Variants in OGG1 observed in about 807,000 individuals in gnomAD.
OGG1 encodes N-glycosylase/DNA lyase.
Under a neutral mutation model 42.3 loss-of-function variants are expected in OGG1, and 35 were observed. The observed-to-expected ratio is 0.83, with a 90% CI of 0.63 to 1.10. The LOEUF (loss-of-function observed/expected upper bound fraction) is 1.10. Among genes scored for constraint, OGG1 ranks in the 50% least tolerant of loss-of-function variants. OGG1 has a pLI of 0.00. For synonymous variants in OGG1, 189 were observed against 179.0 expected (o/e 1.06, Z -0.44); for missense variants, 484 against 446.7 (o/e 1.08, Z -0.75).
At chr3:9,750,488 G>T (rs930854110) in intron 1 of OGG1, 65 bp downstream of exon 1, 5 of 1,603,962 alleles carry the variant, frequency 3.1e-6, no homozygotes, top group Non-Finnish European at 4.2e-6. Flanking sequence ...ACACTGCCTG[G>T]CATGGGGTAC....
downstream of OGG1, chr3:9,759,820 C>T (rs766366951): frequency 1.2e-6 from 2 of 1,612,934 alleles, no homozygotes; most frequent in Non-Finnish European, 1.7e-6. Context: ...AAGAGCATAC[C>T]CACTCCCTCA....
chr3:9,789,823 A>C (rs781635375), downstream of OGG1: 44 of 1,614,268 alleles, frequency 2.7e-5, no homozygotes, highest in Middle Eastern at 6.6e-4. Flanking sequence ...GTCCTGGGCC[A>C]GGGCCCGGCC....
chr3:9,765,742 G>T lies in OGG1; in HGVS notation c.1049-67G>T. ...GCAGGGTCAGCTTGGGGCAGGGAAA[G>T]GCTGTGGCCCACGCACTTGTGCAGG... is the stretch of plus-strand genomic sequence containing the variant. On this transcript the variant is annotated intron_variant, in intron 7 of 7. Transcript: ENST00000302008. 3.7e-6 allele frequency: 6 copies of T among 1,613,368 alleles called. No individual in the cohort carries two copies. The South Asian group carries it at 6.6e-5, about 18-fold the overall frequency.
At chr3:9,752,261 C>T (rs2077336870) in intron 3 of OGG1, among the ~76,000 whole-genome samples, 1 of 152,100 alleles carries the variant, frequency 6.6e-6, no homozygotes, top group East Asian at 1.9e-4. Context: ...TTCTGAACCC[C>T]AACTCTCACT....
chr3:9,782,096 C>T (rs1014043702), intron 3 of OGG1, among the ~76,000 whole-genome samples: 4 of 152,104 alleles, frequency 2.6e-5, no homozygotes, highest in African/African-American at 9.7e-5. Context: ...CCTCAGTCTC[C>T]CAAAGTGCTG....
At chr3:9,759,499 T>C, downstream of OGG1, 4 of 1,614,176 alleles carry the variant, frequency 2.5e-6, no homozygotes, top group Non-Finnish European at 3.4e-6. Context: ...TTCCACTTGC[T>C]CTTGGCAAAG....
chr3:9,784,299 G>C (rs1334639690), intron 3 of OGG1: 1 of 1,488,306 alleles, frequency 6.7e-7, no homozygotes, highest in East Asian at 2.4e-5. Context: ...CCCAAGGTCA[G>C]TGAAAACCTG....
chr3:9,762,531 C>T (rs1442964808), intron 7 of OGG1, among the ~76,000 whole-genome samples: 1 of 152,130 alleles, frequency 6.6e-6, no homozygotes, highest in East Asian at 1.9e-4. Context: ...CATCTGCCAC[C>T]ACGCCGGGCT....
At chr3:9,767,758 GC>G (rs753329780), downstream of OGG1, 2 of 1,613,742 alleles carry the variant, frequency 1.2e-6, no homozygotes, top group East Asian at 2.2e-5. Flanking sequence ...ATGGCCCACT[GC>G]CCCCCGACCA....
At chr3:9,775,238 CA>C (rs1222209779) in intron 2 of OGG1, among the ~76,000 whole-genome samples, 4 of 149,606 alleles carry the variant, frequency 2.7e-5, no homozygotes, top group African/African-American at 9.8e-5. Context: ...GACCCTGTCT[CA>C]AAAAAAAACC....
chr3:9,761,366 A>T, downstream of OGG1: 1 of 1,267,478 alleles, frequency 7.9e-7, no homozygotes. Flanking sequence ...GAGGGAAGGA[A>T]GGGAGGGCAG....
intron 2 of OGG1, chr3:9,780,502 C>A: frequency 6.2e-7 from 1 of 1,608,554 alleles, no homozygotes; most frequent in African/African-American, 1.3e-5. Flanking sequence ...GTCAGCCATG[C>A]GCACCCGCTG....
Position 9,757,058 on chromosome 3 carries a change from C to G in OGG1, c.949-3C>G, listed in dbSNP as rs992782357. 8 of 1,613,986 alleles carry G rather than the reference C, an allele frequency of 5.0e-6. No homozygotes were observed. Among genetic ancestry groups the G allele is most frequent in the Non-Finnish European group, 6.8e-6 (8 of 1,180,038 alleles). The stretch of plus-strand genomic sequence containing the variant: ...TCCCCACACAGACTCCACCCTCCTA[C>G]AGGTGCTGTTCAGTGCCGACCTGCG... On this transcript the variant is annotated splice_region_variant and splice_polypyrimidine_tract_variant and intron_variant, in intron 6 of 6. Coordinates refer to ENST00000344629, the MANE Select transcript of OGG1 (RefSeq NM_002542.6). This position sits in a 1 kb window ranked among gnomAD's most constrained non-coding sequence, Gnocchi z 4.5.
At chr3:9,750,906 GA>G in intron 1 of OGG1, 38 bp from the exon 2 acceptor site, 1 of 1,613,084 alleles carries the variant, frequency 6.2e-7, no homozygotes, top group Non-Finnish European at 8.5e-7. Flanking sequence ...TGCAAGAAAG[GA>G]AATTGAGTGC....
downstream of OGG1, chr3:9,760,772 G>A (rs778648261): frequency 6.2e-7 from 1 of 1,614,012 alleles, no homozygotes. Context: ...GCAGAGCCTG[G>A]GCAGGGAGAA....
chr3:9,758,115 A>G (rs73113546), downstream of OGG1: 554 of 365,866 alleles, frequency 1.5e-3, 1 homozygote, highest in African/African-American at 9.2e-3. Context: ...AGCAAACACT[A>G]TAGCACTGTA....
chr3:9,776,102 C>T (rs1326724623), intron 2 of OGG1, among the ~76,000 whole-genome samples: 1 of 152,158 alleles, frequency 6.6e-6, no homozygotes, highest in Non-Finnish European at 1.5e-5. Flanking sequence ...AAACCCTTGC[C>T]CAGCCTGGTC....
intron 3 of OGG1, among the ~76,000 whole-genome samples, chr3:9,781,833 CTTTTTTTTTTT>C (rs35246642): frequency 9.2e-5 from 8 of 86,892 alleles, no homozygotes; most frequent in Non-Finnish European, 1.2e-4. Flanking sequence ...CCCATTACTT[CTTTTTTTTTTT>C]TTTTTTTTTT....
At chr3:9,751,244 T>C in intron 2 of OGG1, 52 bp downstream of exon 2, 3 of 1,593,692 alleles carry the variant, frequency 1.9e-6, no homozygotes, top group Non-Finnish European at 2.6e-6. Context: ...AAGTCACTTC[T>C]CTATGACTCA....
Sources: gnomAD v4.1 joint callset for allele counts (sites outside exome capture counted in the v4.1 genomes callset) on GRCh38, gnomAD v4.1.1 for gene constraint, Gnocchi (gnomAD v3.1) non-coding constraint, MANE v1.5 for transcripts, NCBI Gene and HGNC (gene_info 2026-07-23, HGNC 2026-07-21) for gene names.